Variants in LMCD1 observed in about 807,000 individuals in gnomAD.
The protein encoded by LMCD1 is LIM and cysteine-rich domains protein 1.
A neutral mutation model predicts 42.7 loss-of-function variants in LMCD1; 32 were observed. The ratio of observed to expected loss-of-function variants is 0.75; its 90% confidence interval spans 0.57 to 1.01. The LOEUF is 1.01. Ranked by LOEUF, LMCD1 falls within the 50% of genes least tolerant of loss-of-function variation. The pLI is 0.00. For missense variants in LMCD1, 458 were observed against 483.1 expected (o/e 0.95, Z 0.49); for synonymous variants, 178 against 184.9 (o/e 0.96, Z 0.30).
chr3:8,507,080 C>A (rs1054049769), intron 1 of LMCD1, among the ~76,000 whole-genome samples: 4 of 152,338 alleles, frequency 2.6e-5, no homozygotes, highest in African/African-American at 9.6e-5. Flanking sequence ...ATTTGGCCAG[C>A]AGCTGCTACT....
chr3:8,532,893 G>T (rs1694439003), intron 2 of LMCD1, 68 bp downstream of exon 2: 1 of 1,334,648 alleles, frequency 7.5e-7, no homozygotes, highest in South Asian at 1.2e-5. Context: ...GGGAACCCTG[G>T]TTGCTTTCTT....
At chr3:8,564,442 T>C (rs781261142) in intron 4 of LMCD1, among the ~76,000 whole-genome samples, 3 of 152,110 alleles carry the variant, frequency 2.0e-5, no homozygotes, top group Non-Finnish European at 4.4e-5. Flanking sequence ...GGCTAATTTT[T>C]CAATTTTTTT....
chr3:8,514,832 GC>G (rs1694068681), intron 1 of LMCD1: 1 of 416,324 alleles, frequency 2.4e-6, no homozygotes, highest in Admixed American at 2.6e-5. Flanking sequence ...AATCAGAATA[GC>G]AACCACCTTT....
chr3:8,513,038 A>G (rs1694031456), intron 1 of LMCD1, among the ~76,000 whole-genome samples: 1 of 152,184 alleles, frequency 6.6e-6, no homozygotes. Context: ...AGGAACACTC[A>G]CACCTCCTGA....
intron 2 of LMCD1, among the ~76,000 whole-genome samples, chr3:8,533,031 G>A (rs1694442893): frequency 6.6e-6 from 1 of 152,116 alleles, no homozygotes; most frequent in African/African-American, 2.4e-5. Context: ...GTAAAGATGT[G>A]AAGAAGGAGT....
At chr3:8,523,945 C>T (rs993407618) in intron 1 of LMCD1, among the ~76,000 whole-genome samples, 5 of 152,086 alleles carry the variant, frequency 3.3e-5, no homozygotes, top group African/African-American at 7.2e-5. Context: ...AGGCAGTTAT[C>T]GTATTGGTAA....
intron 1 of LMCD1, among the ~76,000 whole-genome samples, chr3:8,515,207 AGCCT>A (rs1694077259): frequency 6.6e-6 from 1 of 152,156 alleles, no homozygotes; most frequent in Admixed American, 6.5e-5. Context: ...CATTGAATTT[AGCCT>A]GGCATCCAGG....
chr3:8,514,994 A>G (rs1574948494), intron 1 of LMCD1: 2 of 456,796 alleles, frequency 4.4e-6, no homozygotes, highest in Non-Finnish European at 4.4e-6. Context: ...TTTCGACCGC[A>G]TGTAAGTTTT....
At chr3:8,549,602 A>G (rs1280561407) in intron 4 of LMCD1, among the ~76,000 whole-genome samples, 1 of 152,234 alleles carries the variant, frequency 6.6e-6, no homozygotes, top group Admixed American at 6.5e-5. Context: ...TCAGAGGTAC[A>G]TGGTCCATGC....
chr3:8,562,757 T>G (rs1695062061), intron 4 of LMCD1, among the ~76,000 whole-genome samples: 1 of 152,180 alleles, frequency 6.6e-6, no homozygotes, highest in Non-Finnish European at 1.5e-5. Flanking sequence ...ATCTCATCTG[T>G]TTTTTTATAT....
At chr3:8,537,836 T>C (rs1055594585) in intron 3 of LMCD1, among the ~76,000 whole-genome samples, 1 of 152,204 alleles carries the variant, frequency 6.6e-6, no homozygotes, top group Non-Finnish European at 1.5e-5. Context: ...TGCAAACCTG[T>C]AGGAGAGCAG....
intron 1 of LMCD1, among the ~76,000 whole-genome samples, chr3:8,505,811 G>A (rs1171807788): frequency 2.0e-5 from 3 of 152,194 alleles, no homozygotes; most frequent in African/African-American, 7.2e-5. Context: ...AGCCCTTCCT[G>A]CTTTCACCTC....
chr3:8,529,038 T>C (rs1157726911), intron 1 of LMCD1, among the ~76,000 whole-genome samples: 1 of 152,190 alleles, frequency 6.6e-6, no homozygotes, highest in African/African-American at 2.4e-5. Context: ...TAAGTGATGG[T>C]TTCTTTTAAA....
At chr3:8,524,597 A>C (rs1694264332) in intron 1 of LMCD1, among the ~76,000 whole-genome samples, 1 of 152,230 alleles carries the variant, frequency 6.6e-6, no homozygotes, top group African/African-American at 2.4e-5. Context: ...GCTTATGAAA[A>C]GGGAATTTTT....
chr3:8,555,998 G>A (rs184762537), intron 4 of LMCD1, among the ~76,000 whole-genome samples: 30 of 152,244 alleles, frequency 2.0e-4, no homozygotes, highest in African/African-American at 6.0e-4. Flanking sequence ...GCTGACCCCT[G>A]AACTGGAAGA....
chr3:8,532,022 A>T (rs909371729), intron 1 of LMCD1, among the ~76,000 whole-genome samples: 3 of 152,212 alleles, frequency 2.0e-5, no homozygotes, highest in Admixed American at 2.0e-4. Flanking sequence ...ATTCTGATTC[A>T]AACAGGCTGG....
intron 1 of LMCD1, among the ~76,000 whole-genome samples, chr3:8,504,002 T>A (rs534116292): frequency 6.6e-6 from 1 of 152,326 alleles, no homozygotes; most frequent in East Asian, 1.9e-4. Flanking sequence ...ATGTTCTCCT[T>A]CTTGTCACCC....
At chr3:8,543,245 G>A (rs1384116170) in intron 3 of LMCD1, among the ~76,000 whole-genome samples, 1 of 152,206 alleles carries the variant, frequency 6.6e-6, no homozygotes, top group Admixed American at 6.5e-5. Context: ...GCCCTCGCCT[G>A]TTGGCCGTCC....
At chr3:8,566,783 A>G (rs1402102646) in intron 5 of LMCD1, among the ~76,000 whole-genome samples, 1 of 152,222 alleles carries the variant, frequency 6.6e-6, no homozygotes, top group Non-Finnish European at 1.5e-5. Flanking sequence ...TAAGCCTTTC[A>G]TATGTAGTTG....
Sources: allele counts gnomAD v4.1 joint callset (sites outside exome capture counted in the v4.1 genomes callset), GRCh38; gene constraint gnomAD v4.1.1; transcripts MANE v1.5; gene names NCBI Gene and HGNC (gene_info 2026-07-23, HGNC 2026-07-21).